The following PDE4D variants were observed in gnomAD, a reference collection of about 807,000 sequenced individuals.
PDE4D encodes the protein phosphodiesterase 4D.
A neutral mutation model predicts 87.4 loss-of-function variants in PDE4D; 24 were observed. The observed-to-expected ratio is 0.27, with a 90% confidence interval of 0.20 to 0.39. The LOEUF is 0.39. Among genes scored for constraint, PDE4D ranks in the 10% least tolerant of loss-of-function variants. PDE4D has a pLI of 1.00. For synonymous variants in PDE4D, 384 were observed against 383.2 expected, an observed-to-expected ratio of 1.00 and a Z score of -0.02; for missense variants, 714 against 1,041.0, an observed-to-expected ratio of 0.69 and a Z score of 4.32.
intron 5 of PDE4D, among the ~76,000 whole-genome samples, chr5:59,138,320 C>T (rs1426313390): frequency 6.6e-6 from 1 of 152,114 alleles, no homozygotes; most frequent in African/African-American, 2.4e-5. Flanking sequence ...CGGAATCTCG[C>T]TGTGTTGCCC....
intron 3 of PDE4D, among the ~76,000 whole-genome samples, chr5:59,981,822 G>A (rs1379418139): frequency 6.6e-6 from 1 of 152,168 alleles, no homozygotes; most frequent in African/African-American, 2.4e-5. Flanking sequence ...TGAAAGATCA[G>A]ATGTGTCTGA....
intron 5 of PDE4D, among the ~76,000 whole-genome samples, chr5:59,175,471 CTTTTTTTTTTTTT>C (rs563138575): frequency 1.1e-5 from 1 of 91,208 alleles, no homozygotes; most frequent in Non-Finnish European, 2.1e-5. Flanking sequence ...ATTTTTCTTT[CTTTTTTTTTTTTT>C]TTTTTTTTTT....
At chr5:59,618,183 A>T (rs1829935449) in intron 1 of PDE4D, among the ~76,000 whole-genome samples, 2 of 152,160 alleles carry the variant, frequency 1.3e-5, no homozygotes. Flanking sequence ...TTTTCATTGT[A>T]CACAGTATGA....
At chr5:60,047,050 T>G (rs1353424953) in intron 2 of PDE4D, among the ~76,000 whole-genome samples, 3 of 152,178 alleles carry the variant, frequency 2.0e-5, no homozygotes, top group African/African-American at 7.2e-5. Context: ...TCAGAGCCTG[T>G]TATTGGTCTA....
intron 2 of PDE4D, among the ~76,000 whole-genome samples, chr5:60,111,320 C>A (rs1404227601): frequency 6.6e-6 from 1 of 151,906 alleles, no homozygotes; most frequent in Non-Finnish European, 1.5e-5. Context: ...AAAAACCTAT[C>A]TGACCAGGAT....
intron 1 of PDE4D, among the ~76,000 whole-genome samples, chr5:60,322,413 C>CAA (rs1452301719): frequency 3.5e-4 from 48 of 138,296 alleles, no homozygotes; most frequent in African/African-American, 1.2e-3. Context: ...CACACACACA[C>CAA]ACAAAACCCT....
intron 1 of PDE4D, among the ~76,000 whole-genome samples, chr5:60,328,926 G>A (rs963456662): frequency 2.6e-5 from 4 of 152,118 alleles, no homozygotes; most frequent in African/African-American, 9.7e-5. Flanking sequence ...TCTTTGATGG[G>A]GAGTCACAAC....
chr5:60,520,738 C>A (rs1173174129), intron 1 of PDE4D, among the ~76,000 whole-genome samples: 1 of 152,230 alleles, frequency 6.6e-6, no homozygotes, highest in Non-Finnish European at 1.5e-5. Flanking sequence ...AGGAAGACAC[C>A]TGCTGGCCCA....
At chr5:59,976,602 TA>T (rs1423088900) in intron 3 of PDE4D, among the ~76,000 whole-genome samples, 1 of 152,162 alleles carries the variant, frequency 6.6e-6, no homozygotes, top group Non-Finnish European at 1.5e-5. Flanking sequence ...ATGAGCCAAA[TA>T]AATCTCTTTT....
chr5:59,714,993 G>C (rs1754784523), intron 1 of PDE4D, among the ~76,000 whole-genome samples: 1 of 152,268 alleles, frequency 6.6e-6, no homozygotes, highest in African/African-American at 2.4e-5. Flanking sequence ...TGGAGTGCTT[G>C]AGAACACCAG....
At chr5:59,469,484 A>G (rs1303969411) in intron 1 of PDE4D, among the ~76,000 whole-genome samples, 1 of 152,238 alleles carries the variant, frequency 6.6e-6, no homozygotes, top group Non-Finnish European at 1.5e-5. Context: ...CCATCTGTGT[A>G]TAGATACGAT....
chr5:59,933,793 A>ATATATATATAT (rs1343398649), intron 3 of PDE4D, among the ~76,000 whole-genome samples: 16 of 35,626 alleles, frequency 4.5e-4, no homozygotes, highest in African/African-American at 2.5e-3. Flanking sequence ...TATATATATT[A>ATATATATATAT]ATAAGCATTC....
chr5:59,420,601 A>G (rs1490570008), intron 1 of PDE4D, among the ~76,000 whole-genome samples: 1 of 151,804 alleles, frequency 6.6e-6, no homozygotes, highest in African/African-American at 2.4e-5. Flanking sequence ...CTCCCTTGCT[A>G]GCAGAGTATG....
intron 2 of PDE4D, among the ~76,000 whole-genome samples, chr5:60,106,697 A>C (rs1004859460): frequency 6.6e-6 from 1 of 152,238 alleles, no homozygotes; most frequent in African/African-American, 2.4e-5. Context: ...ACTCAGGATT[A>C]AGAAACTCAT....
intron 1 of PDE4D, among the ~76,000 whole-genome samples, chr5:59,730,538 A>G (rs913157175): frequency 1.1e-4 from 16 of 152,160 alleles, no homozygotes; most frequent in Non-Finnish European, 7.4e-5. Context: ...AGCTCTGACA[A>G]TGAGATTCAT....
At chr5:59,996,560 C>T (rs756730345) in intron 2 of PDE4D, among the ~76,000 whole-genome samples, 2 of 152,110 alleles carry the variant, frequency 1.3e-5, no homozygotes, top group Non-Finnish European at 2.9e-5. Context: ...TAATAATGCA[C>T]TAAAGCAATA....
intron 2 of PDE4D, among the ~76,000 whole-genome samples, chr5:60,122,743 C>T (rs1454933501): frequency 1.3e-5 from 2 of 152,208 alleles, no homozygotes; most frequent in African/African-American, 2.4e-5. Context: ...AACATTCGGC[C>T]TCTCGTTACT....
At chr5:60,510,893 T>A (rs1231325933) in intron 1 of PDE4D, among the ~76,000 whole-genome samples, 1 of 152,218 alleles carries the variant, frequency 6.6e-6, no homozygotes, top group African/African-American at 2.4e-5. Context: ...ACACCTGTGA[T>A]GGAGGCACAA....
intron 1 of PDE4D, among the ~76,000 whole-genome samples, chr5:59,600,988 T>A (rs201955499): frequency 6.6e-6 from 1 of 152,132 alleles, no homozygotes; most frequent in Non-Finnish European, 1.5e-5. Context: ...CAGAAGATGA[T>A]GTATGTGCCA....
Sources: allele counts gnomAD v4.1 joint callset (sites outside exome capture counted in the v4.1 genomes callset), GRCh38; gene constraint gnomAD v4.1.1; transcripts MANE v1.5; gene names NCBI Gene and HGNC (gene_info 2026-07-23, HGNC 2026-07-21).